The following EML6 variants were observed in gnomAD, a reference collection of about 807,000 sequenced individuals.
The protein encoded by EML6 is echinoderm microtubule-associated protein-like 6.
In EML6, 154 loss-of-function variants were observed where a neutral mutation model predicts 240.1. The observed-to-expected ratio is 0.64, with a 90% confidence interval of 0.56 to 0.73. EML6 has a LOEUF of 0.73. Among genes scored for constraint, EML6 ranks in the 30% least tolerant of loss-of-function variants. The pLI is 0.00. For synonymous variants in EML6, 1,148 were observed against 899.0 expected (o/e 1.28, Z -4.95); for missense variants, 2,964 against 2,474.6 (o/e 1.20, Z -4.20).
At chr2:54,777,784 G>A (rs1481867488) in intron 2 of EML6, among the ~76,000 whole-genome samples, 1 of 152,144 alleles carries the variant, frequency 6.6e-6, no homozygotes, top group African/African-American at 2.4e-5. Flanking sequence ...TTGCTCGAAA[G>A]TACCCATGTT....
intron 37 of EML6, among the ~76,000 whole-genome samples, 182 bp downstream of exon 37, chr2:54,964,340 T>C (rs780583386): frequency 6.6e-6 from 1 of 152,230 alleles, no homozygotes; most frequent in Admixed American, 6.5e-5. Flanking sequence ...CTAATTTCCA[T>C]AAAAGTGTGG....
At chr2:54,868,827 A>T (rs1671103573) in intron 14 of EML6, 1 of 198,100 alleles carries the variant, frequency 5.0e-6, no homozygotes, top group South Asian at 1.6e-4. Flanking sequence ...GAGGAGAGGA[A>T]TGGCTTTCTG....
At chr2:54,883,665 C>T (rs1671961876) in intron 17 of EML6, among the ~76,000 whole-genome samples, 1 of 152,164 alleles carries the variant, frequency 6.6e-6, no homozygotes, top group Non-Finnish European at 1.5e-5. Context: ...AGTTCTTATT[C>T]TCGCCATCTA....
chr2:54,895,429 G>T (rs768014245), intron 21 of EML6, 29 bp downstream of exon 21: 1 of 1,550,446 alleles, frequency 6.4e-7, no homozygotes, highest in African/African-American at 1.4e-5. Context: ...CTAAACTGCA[G>T]TTCACATCAA....
chr2:54,937,456 G>C (rs144061849), intron 28 of EML6, among the ~76,000 whole-genome samples: 1 of 143,908 alleles, frequency 6.9e-6, no homozygotes, highest in Non-Finnish European at 1.5e-5. Flanking sequence ...GGGAGGCTGA[G>C]ATAAAAGGAT....
At chr2:54,824,200 C>T (rs955781704) in intron 5 of EML6, among the ~76,000 whole-genome samples, 2 of 152,200 alleles carry the variant, frequency 1.3e-5, no homozygotes, top group Non-Finnish European at 2.9e-5. Flanking sequence ...ACTTTTAAAT[C>T]GGTAAATTCT....
intron 2 of EML6, among the ~76,000 whole-genome samples, chr2:54,804,202 TC>T (rs1425644498): frequency 1.3e-5 from 2 of 152,212 alleles, no homozygotes; most frequent in Admixed American, 6.5e-5. Flanking sequence ...ATTAATGACT[TC>T]TCTAAAGTAT....
intron 28 of EML6, among the ~76,000 whole-genome samples, chr2:54,948,433 A>G (rs1364950887): frequency 6.6e-6 from 1 of 152,148 alleles, no homozygotes; most frequent in African/African-American, 2.4e-5. Context: ...GTGCCACTTC[A>G]CGCCACACCA....
rs1396567649 is a variant in EML6 at position 54,968,648 on chromosome 2, C to T, written c.5752-20C>T. ...AGGAGCCAGGGTCTCTTAGCTGTCT[C>T]CATTCACTTTTGCTCACAGGCCAAA... On this transcript the variant is annotated intron_variant, in intron 40 of 41. Transcript: ENST00000356458. 6.8e-7 allele frequency: 1 copy of T among 1,463,622 alleles called. No individual in the cohort carries two copies. The highest frequency in any genetic ancestry group is 2.0e-5 in the Admixed American group (1 of 50,886). 90.7% of individuals were successfully genotyped at this position (1,463,622 alleles called of 1,614,324 possible).
At chr2:54,891,863 G>T (rs958052631) in intron 18 of EML6, among the ~76,000 whole-genome samples, 49 of 152,222 alleles carry the variant, frequency 3.2e-4, no homozygotes, top group African/African-American at 1.2e-3. Context: ...GTGACAGGGA[G>T]TGTGGGGAAA....
intron 26 of EML6, among the ~76,000 whole-genome samples, chr2:54,923,364 A>AACACACACACACACACAC (rs1553416829): frequency 3.8e-5 from 2 of 52,858 alleles, no homozygotes; most frequent in African/African-American, 1.4e-4. Flanking sequence ...GTCCTCACCA[A>AACACACACACACACACAC]ACGCACACAC....
chr2:54,913,444 G>A (rs922433683), intron 25 of EML6, among the ~76,000 whole-genome samples: 5 of 151,826 alleles, frequency 3.3e-5, no homozygotes, highest in Non-Finnish European at 5.9e-5. Context: ...GTAGAGCCAG[G>A]GTTTTGCCAT....
intron 17 of EML6, among the ~76,000 whole-genome samples, chr2:54,885,676 A>G (rs953552752): frequency 1.3e-5 from 2 of 151,950 alleles, no homozygotes; most frequent in Non-Finnish European, 2.9e-5. Context: ...CAGTGGCGCT[A>G]TCTCGGCTCA....
At chr2:54,841,323 A>G (rs896797993) in intron 7 of EML6, among the ~76,000 whole-genome samples, 9 of 152,340 alleles carry the variant, frequency 5.9e-5, no homozygotes, top group Middle Eastern at 3.4e-3. Flanking sequence ...GGAATAATAC[A>G]TCGGCCTGTG....
At chr2:54,800,884 CAT>C (rs1027878206) in intron 2 of EML6, among the ~76,000 whole-genome samples, 2 of 152,164 alleles carry the variant, frequency 1.3e-5, no homozygotes, top group Non-Finnish European at 2.9e-5. Context: ...TTTGATCTAA[CAT>C]GTGACGTCTC....
chr2:54,739,514 A>G (rs565905871), intron 2 of EML6, among the ~76,000 whole-genome samples: 1 of 152,342 alleles, frequency 6.6e-6, no homozygotes, highest in Admixed American at 6.5e-5. Context: ...CTTAAGGAAA[A>G]TGACTTACAA....
intron 2 of EML6, among the ~76,000 whole-genome samples, chr2:54,728,550 C>T (rs1438391440): frequency 2.0e-5 from 3 of 152,098 alleles, no homozygotes; most frequent in Non-Finnish European, 2.9e-5. Context: ...TGCCATTTAC[C>T]GGGGGTATCT....
At chr2:54,889,825 C>T (rs939052160) in intron 17 of EML6, among the ~76,000 whole-genome samples, 2 of 152,184 alleles carry the variant, frequency 1.3e-5, no homozygotes, top group African/African-American at 4.8e-5. Flanking sequence ...TGGTAATTAT[C>T]CTGACTCTAT....
At chr2:54,897,183 G>T (rs1338677741) in intron 21 of EML6, among the ~76,000 whole-genome samples, 1 of 152,118 alleles carries the variant, frequency 6.6e-6, no homozygotes, top group South Asian at 2.1e-4. Flanking sequence ...GCCCCAATAT[G>T]ATTTAAATAA....
Sources: allele counts gnomAD v4.1 joint callset (sites outside exome capture counted in the v4.1 genomes callset), GRCh38; gene constraint gnomAD v4.1.1; transcripts MANE v1.5; gene names NCBI Gene and HGNC (gene_info 2026-07-23, HGNC 2026-07-21).